PDE4D: variants seen among roughly 807,000 people sequenced by gnomAD.
PDE4D encodes the protein phosphodiesterase 4D.
PDE4D carries 24 observed loss-of-function variants against 87.4 expected under a neutral mutation model. The ratio of observed to expected loss-of-function variants is 0.27; its 90% CI spans 0.20 to 0.39. The LOEUF (loss-of-function observed/expected upper bound fraction) is 0.39. PDE4D is among the 10% of genes least tolerant of loss of function. The pLI, the probability that PDE4D is intolerant of heterozygous loss-of-function variation, is 1.00. For missense variants in PDE4D, 714 were observed against 1,041.0 expected (o/e 0.69, Z 4.32); for synonymous variants, 384 against 383.2 (o/e 1.00, Z -0.02).
At chr5:59,630,096 C>G (rs950336796) in intron 1 of PDE4D, among the ~76,000 whole-genome samples, 3 of 152,164 alleles carry the variant, frequency 2.0e-5, no homozygotes, top group Non-Finnish European at 4.4e-5. Context: ...TCAAAACTAA[C>G]TCCGTATTTG....
chr5:59,690,239 A>G (rs1041523140), intron 1 of PDE4D, among the ~76,000 whole-genome samples: 17 of 152,180 alleles, frequency 1.1e-4, no homozygotes, highest in African/African-American at 4.1e-4. Flanking sequence ...ATGTGGAACC[A>G]AAAAAGAGCC....
intron 1 of PDE4D, among the ~76,000 whole-genome samples, chr5:59,451,732 C>T (rs751243391): frequency 7.9e-5 from 12 of 152,306 alleles, no homozygotes; most frequent in Non-Finnish European, 1.6e-4. Flanking sequence ...ATACCAACAC[C>T]GCTGTCTGTA....
At chr5:59,260,076 T>C (rs1389718142) in intron 1 of PDE4D, among the ~76,000 whole-genome samples, 1 of 151,834 alleles carries the variant, frequency 6.6e-6, no homozygotes, top group Non-Finnish European at 1.5e-5. Flanking sequence ...CTACCCTGTC[T>C]TAGCCAAAAT....
chr5:60,441,953 A>C (rs450407), intron 1 of PDE4D, among the ~76,000 whole-genome samples: 1 of 152,072 alleles, frequency 6.6e-6, no homozygotes, highest in East Asian at 1.9e-4. Context: ...GATGCTGGAG[A>C]GGATGTGGAG....
At chr5:60,463,121 T>C (rs1747086832) in intron 1 of PDE4D, among the ~76,000 whole-genome samples, 1 of 152,114 alleles carries the variant, frequency 6.6e-6, no homozygotes, top group South Asian at 2.1e-4. Flanking sequence ...ATAAATAGTA[T>C]ATGGAATTTT....
At chr5:59,394,281 G>A (rs959639103) in intron 1 of PDE4D, among the ~76,000 whole-genome samples, 2 of 152,176 alleles carry the variant, frequency 1.3e-5, no homozygotes, top group East Asian at 1.9e-4. Flanking sequence ...CAGAATCAGT[G>A]TCACTGTCAT....
chr5:59,748,396 C>A (rs1399324592), intron 1 of PDE4D, among the ~76,000 whole-genome samples: 1 of 152,108 alleles, frequency 6.6e-6, no homozygotes, highest in Non-Finnish European at 1.5e-5. Flanking sequence ...GACTTGGAAC[C>A]AACCCAAATG....
At chr5:60,492,091 T>G (rs2150235801), upstream of PDE4D, among the ~76,000 whole-genome samples, 1 of 149,448 alleles carries the variant, frequency 6.7e-6, no homozygotes, top group East Asian at 2.0e-4. Flanking sequence ...ACCTGCACAA[T>G]GTGCACATGT....
At chr5:59,668,857 A>G (rs150468794) in intron 1 of PDE4D, among the ~76,000 whole-genome samples, 14,543 of 66,360 alleles carry the variant, frequency 0.22, 1,358 homozygotes, top group African/African-American at 0.3. Context: ...AAGAAGAAGA[A>G]GAAGAAGAAG....
intron 1 of PDE4D, among the ~76,000 whole-genome samples, chr5:59,377,252 C>T (rs1039339685): frequency 1.3e-5 from 2 of 151,910 alleles, no homozygotes; most frequent in East Asian, 1.9e-4. Context: ...CCTGTCTCTA[C>T]TAAAAATACA....
chr5:59,527,154 G>A (rs1813304914), intron 1 of PDE4D, among the ~76,000 whole-genome samples: 1 of 152,116 alleles, frequency 6.6e-6, no homozygotes, highest in Non-Finnish European at 1.5e-5. Context: ...TGGCATGGTG[G>A]TTGTTATGGT....
At chr5:59,254,929 C>T (rs932159663) in intron 1 of PDE4D, among the ~76,000 whole-genome samples, 2 of 152,120 alleles carry the variant, frequency 1.3e-5, no homozygotes, top group Non-Finnish European at 2.9e-5. Context: ...ACCTTGACTA[C>T]ATCAATAATG....
intron 1 of PDE4D, among the ~76,000 whole-genome samples, chr5:59,723,175 G>A (rs1756099776): frequency 6.6e-6 from 1 of 152,002 alleles, no homozygotes; most frequent in African/African-American, 2.4e-5. Context: ...TACCTTCAAT[G>A]TTCTTGGGTG....
chr5:59,176,549 C>T (rs1581207460), intron 5 of PDE4D, among the ~76,000 whole-genome samples: 1 of 146,252 alleles, frequency 6.8e-6, no homozygotes, highest in Admixed American at 6.8e-5. Flanking sequence ...GAGCAAAACT[C>T]TATCTCAAGA....
At chr5:60,171,412 A>G (rs960984317) in intron 2 of PDE4D, among the ~76,000 whole-genome samples, 1 of 152,056 alleles carries the variant, frequency 6.6e-6, no homozygotes, top group Non-Finnish European at 1.5e-5. Context: ...TGAAGTGCAA[A>G]GTAGAGACAA....
At chr5:60,486,966 T>C (rs150587638) in intron 1 of PDE4D, among the ~76,000 whole-genome samples, 226 of 152,362 alleles carry the variant, frequency 1.5e-3, no homozygotes, top group Non-Finnish European at 2.8e-3. Flanking sequence ...ACTAATTTCA[T>C]AGGCAAAAGC....
chr5:60,500,396 T>G (rs1300365435), intron 1 of PDE4D, among the ~76,000 whole-genome samples: 1 of 152,138 alleles, frequency 6.6e-6, no homozygotes, highest in Non-Finnish European at 1.5e-5. Context: ...TATTTAAGAT[T>G]TATTTATAAT....
intron 1 of PDE4D, among the ~76,000 whole-genome samples, chr5:59,674,232 T>C (rs1312986806): frequency 1.3e-5 from 2 of 152,156 alleles, no homozygotes; most frequent in East Asian, 1.9e-4. Context: ...CAGATATCAA[T>C]AGGATAAGAT....
intron 6 of PDE4D, among the ~76,000 whole-genome samples, chr5:59,018,141 G>A (rs1327662757): frequency 6.6e-6 from 1 of 152,192 alleles, no homozygotes; most frequent in Non-Finnish European, 1.5e-5. Context: ...TATAAGGAAA[G>A]CAATCTAATT....
Sources: allele counts gnomAD v4.1 joint callset (sites outside exome capture counted in the v4.1 genomes callset), GRCh38; gene constraint gnomAD v4.1.1; transcripts MANE v1.5; gene names NCBI Gene and HGNC (gene_info 2026-07-23, HGNC 2026-07-21).